Variants in SPAG16 observed in about 807,000 individuals in gnomAD.
SPAG16 encodes the protein sperm associated antigen 16.
Under a neutral mutation model 80.4 loss-of-function variants are expected in SPAG16, and 86 were observed. The observed-to-expected ratio is 1.07, with a 90% CI of 0.90 to 1.28. The LOEUF is 1.28. SPAG16 is among the 50% of genes most tolerant of loss of function. The pLI is 0.00. For missense variants in SPAG16, 870 were observed against 765.3 expected (o/e 1.14, Z -1.61); for synonymous variants, 294 against 265.9 (o/e 1.11, Z -1.03).
chr2:214,166,200 T>C (rs1203516015), intron 15 of SPAG16, among the ~76,000 whole-genome samples: 1 of 152,152 alleles, frequency 6.6e-6, no homozygotes, highest in African/African-American at 2.4e-5. Context: ...AATAATCATC[T>C]AGATAGAGAG....
chr2:214,069,964 A>G (rs763961248), intron 13 of SPAG16, among the ~76,000 whole-genome samples: 20 of 152,222 alleles, frequency 1.3e-4, no homozygotes, highest in Non-Finnish European at 2.5e-4. Flanking sequence ...ACTTTGGTTA[A>G]TAACATTGAA....
chr2:214,352,823 A>C (rs550903258), intron 15 of SPAG16, among the ~76,000 whole-genome samples: 18 of 152,120 alleles, frequency 1.2e-4, no homozygotes, highest in African/African-American at 3.6e-4. Flanking sequence ...CTGTGAGCTA[A>C]TCATTTAACT....
chr2:213,421,160 A>C (rs1054740992), intron 9 of SPAG16, among the ~76,000 whole-genome samples: 6 of 152,162 alleles, frequency 3.9e-5, no homozygotes, highest in African/African-American at 1.4e-4. Context: ...TCGGGGTCCC[A>C]GGAAGCCACC....
Position 214,236,859 on chromosome 2 carries a change from C to A in SPAG16, c.1720+87593C>A, listed in dbSNP as rs571296401. Among the ~76,000 whole-genome samples the A allele has an allele frequency of 1.1e-4, 16 of 152,084 alleles. No individual in the cohort carries two copies. In the South Asian group the frequency reaches 2.9e-3, roughly 28 times the overall value. ...ATAAGAAATAACCATAAGGCTATGGCAAAGCTGAGAGTGACAGAGTTTATG... is the reference window on the plus strand; with the variant it reads ...ATAAGAAATAACCATAAGGCTATGGAAAAGCTGAGAGTGACAGAGTTTATG... On this transcript the variant is annotated intron_variant, in intron 15 of 15. Coordinates refer to ENST00000331683, the MANE Select transcript of SPAG16 (RefSeq NM_024532.5).
intron 13 of SPAG16, among the ~76,000 whole-genome samples, chr2:214,023,868 C>A (rs754058135): frequency 2.0e-5 from 3 of 151,486 alleles, no homozygotes; most frequent in African/African-American, 4.8e-5. Flanking sequence ...GAAAAAATAT[C>A]ATATTCAATA....
chr2:214,152,538 C>G (rs2056022594), intron 15 of SPAG16, among the ~76,000 whole-genome samples: 1 of 152,082 alleles, frequency 6.6e-6, no homozygotes, highest in South Asian at 2.1e-4. Flanking sequence ...CTGTAGGGAC[C>G]AACCCCACAA....
Position 214,389,024 on chromosome 2 carries a change from G to A in SPAG16, c.1721-21116G>A, listed in dbSNP as rs569645562. Among the ~76,000 whole-genome samples the A allele has an allele frequency of 3.3e-5, 5 of 152,248 alleles. No individual in the cohort carries two copies. In the East Asian group the frequency reaches 9.7e-4, roughly 29 times the overall value. ...CTCTGGTAAATAAAAGACGCCCACTGTATCACCCTGAAATCACTTAAATCA... is the reference window on the plus strand; with the variant it reads ...CTCTGGTAAATAAAAGACGCCCACTATATCACCCTGAAATCACTTAAATCA... On this transcript the variant is annotated intron_variant, in intron 15 of 15. Coordinates refer to ENST00000331683, the MANE Select transcript of SPAG16 (RefSeq NM_024532.5).
At chr2:214,177,937 C>CATATATATA (rs2057162614) in intron 15 of SPAG16, among the ~76,000 whole-genome samples, 2 of 37,724 alleles carry the variant, frequency 5.3e-5, no homozygotes, top group African/African-American at 1.9e-4. Flanking sequence ...ATATATATGG[C>CATATATATA]CAGAATTGTT....
At chr2:214,105,482 G>A (rs923747986) in intron 13 of SPAG16, among the ~76,000 whole-genome samples, 8 of 152,122 alleles carry the variant, frequency 5.3e-5, no homozygotes, top group African/African-American at 1.9e-4. Flanking sequence ...GCACAGTAAA[G>A]CAAAGCAATT....
At position 213,356,909 on chromosome 2, in the gene SPAG16, C is replaced by T. The variant is rs541857670; in HGVS notation, c.762+6264C>T. On this transcript the variant is annotated intron_variant, in intron 7 of 15. Coordinates refer to ENST00000331683, the MANE Select transcript of SPAG16 (RefSeq NM_024532.5). ...TTAGTGCTCTAAATTTTCCTCTACA[C>T]ACTGCTTTAAATGTGTCCCAGAGAT... is the stretch of plus-strand genomic sequence containing the variant. Among the ~76,000 whole-genome samples the T allele has an allele frequency of 2.0e-5, 3 of 152,292 alleles. No individual in the cohort carries two copies. The East Asian group carries it at 5.8e-4, about 29-fold the overall frequency.
chr2:214,211,005 G>T (rs971209189), intron 15 of SPAG16, among the ~76,000 whole-genome samples: 1 of 151,934 alleles, frequency 6.6e-6, no homozygotes, highest in Non-Finnish European at 1.5e-5. Flanking sequence ...AGCAATGAAC[G>T]TTATGCACCA....
At chr2:214,362,294 G>T (rs1699234317) in intron 15 of SPAG16, among the ~76,000 whole-genome samples, 1 of 151,804 alleles carries the variant, frequency 6.6e-6, no homozygotes, top group Non-Finnish European at 1.5e-5. Context: ...TCAGAATGTG[G>T]CTGTACACTT....
At chr2:213,526,809 T>C (rs1331525542) in intron 10 of SPAG16, among the ~76,000 whole-genome samples, 1 of 152,232 alleles carries the variant, frequency 6.6e-6, no homozygotes, top group Non-Finnish European at 1.5e-5. Context: ...TCCTTCAGAA[T>C]GTTGAAGTAT....
intron 15 of SPAG16, among the ~76,000 whole-genome samples, chr2:214,407,164 C>T (rs1028153811): frequency 6.6e-6 from 1 of 151,732 alleles, no homozygotes; most frequent in African/African-American, 2.4e-5. Flanking sequence ...TTATTTTTAA[C>T]CTATTGGTAA....
chr2:214,110,893 G>A (rs1392720610), intron 14 of SPAG16, among the ~76,000 whole-genome samples: 1 of 152,116 alleles, frequency 6.6e-6, no homozygotes, highest in Non-Finnish European at 1.5e-5. Context: ...GTGATGATGA[G>A]TATTTTTTCA....
intron 15 of SPAG16, among the ~76,000 whole-genome samples, chr2:214,232,068 A>G (rs1228506998): frequency 6.6e-6 from 1 of 152,022 alleles, no homozygotes; most frequent in African/African-American, 2.4e-5. Flanking sequence ...AACATTTAAT[A>G]TCACTTAAAA....
chr2:213,675,423 C>T (rs1169993626), intron 10 of SPAG16, among the ~76,000 whole-genome samples: 2 of 152,228 alleles, frequency 1.3e-5, no homozygotes, highest in East Asian at 1.9e-4. Flanking sequence ...GCTTTTGTTG[C>T]CGTTGCTTTT....
intron 15 of SPAG16, among the ~76,000 whole-genome samples, chr2:214,408,763 C>T (rs953525682): frequency 6.6e-6 from 1 of 152,124 alleles, no homozygotes; most frequent in Admixed American, 6.5e-5. Flanking sequence ...CTGTGGAAAG[C>T]AATGGCTAAA....
intron 10 of SPAG16, among the ~76,000 whole-genome samples, chr2:213,729,114 AT>A (rs1337000674): frequency 1.2e-4 from 19 of 152,160 alleles, no homozygotes; most frequent in African/African-American, 4.3e-4. Context: ...TTCTTGCAAC[AT>A]TTATTAGGCT....
Sources: gnomAD v4.1 joint callset for allele counts (sites outside exome capture counted in the v4.1 genomes callset) on GRCh38, gnomAD v4.1.1 for gene constraint, MANE v1.5 for transcripts, NCBI Gene and HGNC (gene_info 2026-07-23, HGNC 2026-07-21) for gene names.